The following RNGTT variants were observed in gnomAD, a reference collection of about 807,000 sequenced individuals.
RNGTT encodes the protein mRNA-capping enzyme.
Under a neutral mutation model 79.3 loss-of-function variants are expected in RNGTT, and 33 were observed. The observed-to-expected ratio is 0.42, with a 90% confidence interval of 0.32 to 0.56. RNGTT has a LOEUF of 0.56. Ranked by LOEUF, RNGTT falls within the 20% of genes least tolerant of loss-of-function variation. The pLI is 0.17. For synonymous variants in RNGTT, 222 were observed against 235.9 expected, an observed-to-expected ratio of 0.94 and a Z score of 0.54; for missense variants, 497 against 739.1, an observed-to-expected ratio of 0.67 and a Z score of 3.80.
intron 11 of RNGTT, among the ~76,000 whole-genome samples, chr6:88,809,959 G>A (rs1209422642): frequency 6.6e-6 from 1 of 151,916 alleles, no homozygotes; most frequent in Non-Finnish European, 1.5e-5. Flanking sequence ...GAGGCAGAAG[G>A]ATCATTTGAG....
chr6:88,808,494 T>C (rs1301334468), intron 11 of RNGTT, among the ~76,000 whole-genome samples: 1 of 152,200 alleles, frequency 6.6e-6, no homozygotes, highest in Non-Finnish European at 1.5e-5. Context: ...GGGCAAGCCA[T>C]GTAGTAAATC....
intron 11 of RNGTT, among the ~76,000 whole-genome samples, chr6:88,814,506 T>C (rs1269740088): frequency 1.3e-5 from 2 of 152,208 alleles, no homozygotes; most frequent in Admixed American, 6.5e-5. Context: ...CAAATCACAA[T>C]GAAATGCTCA....
intron 8 of RNGTT, among the ~76,000 whole-genome samples, chr6:88,883,170 C>CAAAAAAAAAAAAAAA: frequency 1.5e-5 from 1 of 68,870 alleles, no homozygotes; most frequent in Non-Finnish European, 3.2e-5. Flanking sequence ...CTCTTTATGA[C>CAAAAAAAAAAAAAAA]AAAAAAAAAA....
At chr6:88,633,265 G>GA (rs200787981) in intron 14 of RNGTT, among the ~76,000 whole-genome samples, 102 of 146,780 alleles carry the variant, frequency 6.9e-4, no homozygotes, top group African/African-American at 2.2e-3. Flanking sequence ...AGTATGTGTA[G>GA]AAAAAAAAAA....
intron 12 of RNGTT, among the ~76,000 whole-genome samples, chr6:88,788,496 G>C (rs1438697982): frequency 1.3e-5 from 2 of 152,170 alleles, no homozygotes; most frequent in Non-Finnish European, 2.9e-5. Flanking sequence ...TTAATTAAAG[G>C]AGATGACTGG....
intron 12 of RNGTT, among the ~76,000 whole-genome samples, chr6:88,781,512 A>C (rs1779063508): frequency 6.6e-6 from 1 of 150,886 alleles, no homozygotes; most frequent in Non-Finnish European, 1.5e-5. Flanking sequence ...ACAGTAAAAC[A>C]ATGGAATCAA....
chr6:88,861,862 T>C (rs538578207), intron 8 of RNGTT, among the ~76,000 whole-genome samples: 9 of 152,286 alleles, frequency 5.9e-5, no homozygotes, highest in African/African-American at 1.9e-4. Context: ...CAATGGCAGT[T>C]TGCTTAATTA....
chr6:88,712,895 G>C (rs1776366730), intron 13 of RNGTT, among the ~76,000 whole-genome samples: 1 of 152,148 alleles, frequency 6.6e-6, no homozygotes, highest in Admixed American at 6.5e-5. Flanking sequence ...CAAATGAATT[G>C]CTACATCAGG....
intron 14 of RNGTT, among the ~76,000 whole-genome samples, chr6:88,639,708 T>A (rs1215256429): frequency 1.3e-5 from 2 of 152,208 alleles, no homozygotes; most frequent in Non-Finnish European, 2.9e-5. Context: ...TAGTACTTTG[T>A]AAGTGCTCAA....
intron 13 of RNGTT, among the ~76,000 whole-genome samples, chr6:88,726,505 C>T (rs1776911630): frequency 6.6e-6 from 1 of 152,154 alleles, no homozygotes; most frequent in African/African-American, 2.4e-5. Context: ...TCCCTTAACC[C>T]AGCAGGTTTC....
At chr6:88,794,225 C>T (rs1779515986) in intron 12 of RNGTT, among the ~76,000 whole-genome samples, 2 of 152,146 alleles carry the variant, frequency 1.3e-5, no homozygotes, top group Admixed American at 1.3e-4. Flanking sequence ...GAGGACAAAA[C>T]TCATGTTATT....
chr6:88,610,661 T>C lies in RNGTT; in HGVS notation c.*2058A>G, dbSNP rs971896471. The C allele has an allele frequency of 7.9e-5, 12 of 152,278 alleles. No individual in the cohort carries two copies. The East Asian group carries it at 2.3e-3, about 29-fold the overall frequency. 9.4% of individuals were successfully genotyped at this position (152,278 alleles called of 1,614,324 possible). On this transcript the variant is annotated 3_prime_UTR_variant, in exon 16 of 16. Coordinates refer to ENST00000369485, the MANE Select transcript of RNGTT (RefSeq NM_003800.5). ...GGCCAACTACTCTATGTCACTATAA[T>C]TGAAAGGAAAGAATAAATTAAGAAA... is the stretch of plus-strand genomic sequence containing the variant.
chr6:88,702,348 TG>T (rs1775975812), intron 13 of RNGTT, among the ~76,000 whole-genome samples: 1 of 152,068 alleles, frequency 6.6e-6, no homozygotes, highest in South Asian at 2.1e-4. Context: ...CACATGATAC[TG>T]GTACAAAAAC....
chr6:88,772,077 A>G (rs9353605), intron 12 of RNGTT, among the ~76,000 whole-genome samples: 26,050 of 151,666 alleles, frequency 0.17, 2,490 homozygotes, highest in Middle Eastern at 0.26. Flanking sequence ...TCCTTAGGAG[A>G]CTGAGGTGGG....
At chr6:88,704,042 G>A (rs1176480438) in intron 13 of RNGTT, among the ~76,000 whole-genome samples, 45 of 151,728 alleles carry the variant, frequency 3.0e-4, no homozygotes, top group Non-Finnish European at 7.4e-5. Flanking sequence ...GGCGGATCAC[G>A]AGGTCAGGAG....
chr6:88,767,662 C>G, intron 13 of RNGTT, among the ~76,000 whole-genome samples: 1 of 115,844 alleles, frequency 8.6e-6, no homozygotes. Context: ...TTTCGAAGAA[C>G]TATATTCACT....
intron 13 of RNGTT, among the ~76,000 whole-genome samples, chr6:88,743,285 T>A: frequency 6.6e-6 from 1 of 152,102 alleles, no homozygotes; most frequent in Middle Eastern, 3.2e-3. Context: ...TTAAAGAAGT[T>A]TACTTGTTTT....
intron 13 of RNGTT, among the ~76,000 whole-genome samples, chr6:88,769,286 G>C (rs1478122738): frequency 6.6e-6 from 1 of 151,796 alleles, no homozygotes; most frequent in Non-Finnish European, 1.5e-5. Context: ...TCAGCCTCCC[G>C]AGTAGCTGGG....
intron 13 of RNGTT, among the ~76,000 whole-genome samples, chr6:88,745,835 T>C (rs950043451): frequency 1.6e-4 from 24 of 152,238 alleles, no homozygotes; most frequent in African/African-American, 5.1e-4. Context: ...GGCCCCCTTA[T>C]ATACTTCAAA....
Sources: allele counts gnomAD v4.1 joint callset (sites outside exome capture counted in the v4.1 genomes callset), GRCh38; gene constraint gnomAD v4.1.1; transcripts MANE v1.5; gene names NCBI Gene and HGNC (gene_info 2026-07-23, HGNC 2026-07-21).